Variants in RNF145 observed in about 807,000 individuals in gnomAD.
RNF145 encodes the protein ring finger protein 145.
In RNF145, 12 loss-of-function variants were observed where a neutral mutation model predicts 57.3. That is an observed-to-expected ratio of 0.21 (90% CI 0.13 to 0.34). The LOEUF (loss-of-function observed/expected upper bound fraction) is 0.34. RNF145 is among the 10% of genes least tolerant of loss of function. The probability of loss-of-function intolerance (pLI) is 1.00; values close to 1 mark genes in which losing one functional copy is unlikely to be tolerated. For synonymous variants in RNF145, 262 were observed against 288.3 expected (o/e 0.91, Z 0.92); for missense variants, 429 against 799.0 (o/e 0.54, Z 5.58).
chr5:159,192,051 G>GAA (rs879432662), intron 3 of RNF145, among the ~76,000 whole-genome samples: 30 of 133,180 alleles, frequency 2.3e-4, no homozygotes, highest in Non-Finnish European at 2.8e-4. Context: ...AAAATATTCA[G>GAA]AAAAAAAAAA....
intron 3 of RNF145, among the ~76,000 whole-genome samples, chr5:159,187,619 T>A (rs1467047636): frequency 2.0e-5 from 3 of 152,070 alleles, no homozygotes; most frequent in Non-Finnish European, 4.4e-5. Flanking sequence ...GTGCCACCAC[T>A]CCCGGCCTAT....
intron 9 of RNF145, 45 bp downstream of exon 9, chr5:159,162,887 T>C: frequency 1.3e-6 from 2 of 1,507,584 alleles, no homozygotes; most frequent in South Asian, 1.3e-5. Context: ...GGAGGAAAAA[T>C]AACAAAATTG....
intron 3 of RNF145, among the ~76,000 whole-genome samples, chr5:159,190,553 T>C (rs1006756578): frequency 6.6e-6 from 1 of 151,920 alleles, no homozygotes; most frequent in African/African-American, 2.4e-5. Flanking sequence ...TAGCTAGGCA[T>C]GGTGGCGTAC....
intron 1 of RNF145, among the ~76,000 whole-genome samples, chr5:159,205,399 A>G (rs1023169136): frequency 1.3e-5 from 2 of 152,220 alleles, no homozygotes; most frequent in African/African-American, 4.8e-5. Context: ...TGAGGAATCT[A>G]AATTTCTCAA....
At chr5:159,192,652 G>A (rs1221417830) in intron 3 of RNF145, among the ~76,000 whole-genome samples, 2 of 152,142 alleles carry the variant, frequency 1.3e-5, no homozygotes, top group Non-Finnish European at 2.9e-5. Flanking sequence ...CAGAAACTGT[G>A]GTAAGAGCTT....
intron 8 of RNF145, among the ~76,000 whole-genome samples, chr5:159,167,838 A>T (rs958375603): frequency 6.6e-6 from 1 of 152,204 alleles, no homozygotes; most frequent in Non-Finnish European, 1.5e-5. Flanking sequence ...ATGTTTGGCA[A>T]TGTGTGTTAT....
rs1476750350 is a variant in RNF145 at position 159,182,004 on chromosome 5, T to C, written c.341A>G (p.Tyr114Cys). 1.2e-5 allele frequency: 19 copies of C among 1,610,056 alleles called. No individual in the cohort carries two copies. Among genetic ancestry groups the C allele is most frequent in the Non-Finnish European group, 1.5e-5 (18 of 1,176,798 alleles). The change falls in exon 4 of 11, where the codon TAT (tyrosine) becomes TGT (cysteine). Residue 114 changes from tyrosine to cysteine, a missense_variant. Coordinates refer to ENST00000424310, the MANE Select transcript of RNF145 (RefSeq NM_001199383.2). ...ELEFAYEGPMYLEPLSMNRFT... is the reference protein window; with the variant it reads ...ELEFAYEGPMCLEPLSMNRFT... ...CCGATTCATAGAGAGAGGTTCTAAATACATTGGTCCCTCATAGGCAAACTC... is the reference window on the plus strand; with the variant it reads ...CCGATTCATAGAGAGAGGTTCTAAACACATTGGTCCCTCATAGGCAAACTC...
At chr5:159,173,926 G>C (rs1264004787) in intron 6 of RNF145, 57 bp downstream of exon 6, 1 of 1,190,930 alleles carries the variant, frequency 8.4e-7, no homozygotes, top group African/African-American at 1.6e-5. Context: ...ACTATTCCTA[G>C]ATCAAAGTTT....
intron 8 of RNF145, 112 bp from the exon 9 acceptor site, chr5:159,163,191 G>A: frequency 1.0e-6 from 1 of 983,676 alleles, no homozygotes; most frequent in Admixed American, 2.5e-5. Context: ...AATTCCCACT[G>A]AACACCCTTC....
At chr5:159,180,640 G>C (rs1369731816) in intron 4 of RNF145, among the ~76,000 whole-genome samples, 1 of 151,928 alleles carries the variant, frequency 6.6e-6, no homozygotes, top group Non-Finnish European at 1.5e-5. Flanking sequence ...ATTTCAAAAA[G>C]TAAAAAGAAA....
At chr5:159,165,715 A>G (rs1784372150) in intron 8 of RNF145, among the ~76,000 whole-genome samples, 1 of 142,136 alleles carries the variant, frequency 7.0e-6, no homozygotes, top group Non-Finnish European at 1.6e-5. Context: ...AAAAAAAAAA[A>G]AAAAAAAAAA....
chr5:159,175,327 TCTTG>T (rs1784684296), intron 5 of RNF145, among the ~76,000 whole-genome samples: 1 of 152,118 alleles, frequency 6.6e-6, no homozygotes. Flanking sequence ...TGTTTCCATT[TCTTG>T]CTTATCTGAT....
chr5:159,198,295 C>T (rs998553506), intron 2 of RNF145, among the ~76,000 whole-genome samples: 3 of 151,668 alleles, frequency 2.0e-5, no homozygotes, highest in Non-Finnish European at 2.9e-5. Flanking sequence ...TAATGACCTA[C>T]GGGAACAGAC....
chr5:159,194,843 T>A lies in RNF145; in HGVS notation c.185-19A>T, dbSNP rs564029095. 182 of 1,469,174 alleles carry A rather than the reference T, an allele frequency of 1.2e-4. No homozygotes were observed. The highest frequency in any genetic ancestry group is 1.7e-4 in the Non-Finnish European group (178 of 1,070,022). 91.0% of individuals were successfully genotyped at this position (1,469,174 alleles called of 1,614,324 possible). On this transcript the variant is annotated intron_variant, in intron 2 of 10. Transcript: ENST00000424310. ...ATATAACCTGTACCAGAAAGATAAA[T>A]AAAATACAATTTTAATTTAGTTTCC...
chr5:159,198,239 CTAAATAAATAAATAAATAAA>C (rs10565309), intron 2 of RNF145, among the ~76,000 whole-genome samples: 23 of 147,054 alleles, frequency 1.6e-4, no homozygotes, highest in African/African-American at 5.0e-4. Context: ...GACTCTATCT[CTAAATAAATAAATAAATAAA>C]TAAATAAATA....
At chr5:159,164,637 T>A (rs1784335117) in intron 8 of RNF145, among the ~76,000 whole-genome samples, 1 of 152,020 alleles carries the variant, frequency 6.6e-6, no homozygotes, top group Non-Finnish European at 1.5e-5. Flanking sequence ...AAATTTCAAA[T>A]AAAATATAAA....
rs556901220 is a variant in RNF145 at position 159,174,753 on chromosome 5, G to A, written c.622-595C>T. Among the ~76,000 whole-genome samples, 6 of 151,438 alleles carry A rather than the reference G, an allele frequency of 4.0e-5. No individual in the cohort carries two copies. In the South Asian group the frequency reaches 1.0e-3, roughly 26 times the overall value. On this transcript the variant is annotated intron_variant, in intron 5 of 10. Coordinates refer to ENST00000424310, the MANE Select transcript of RNF145 (RefSeq NM_001199383.2). ...TATGTTTTTCCATTTGGTTTGCCAA[G>A]TGTAAGTAACACTAGGAAAAGGATA...
At position 159,209,525 on chromosome 5, in the gene RNF145, G is replaced by T. The variant is rs956959364; in HGVS notation, c.-334C>A. On this transcript the variant is annotated 5_prime_UTR_variant, in exon 1 of 11. Transcript: ENST00000424310. ...GGCGTCGGCGGCCATGGCCTCCTGCGTTTGCTCCTCCCGCCCCCGGCGCTC... is the reference window on the plus strand; with the variant it reads ...GGCGTCGGCGGCCATGGCCTCCTGCTTTTGCTCCTCCCGCCCCCGGCGCTC... 1.0e-6 allele frequency: 1 copy of T among 981,628 alleles called. No homozygotes were observed. Among genetic ancestry groups the T allele is most frequent in the African/African-American group, 1.8e-5 (1 of 56,932 alleles). The allele number at this position is 981,628 out of a possible 1,614,324, so 60.8% of individuals were successfully genotyped here.
intron 6 of RNF145, among the ~76,000 whole-genome samples, chr5:159,171,001 G>T (rs555468590): frequency 1.8e-4 from 28 of 152,166 alleles, no homozygotes; most frequent in Non-Finnish European, 3.1e-4. Flanking sequence ...GCAGCTCCAT[G>T]CTTCTATATA....
Sources: allele counts gnomAD v4.1 joint callset (sites outside exome capture counted in the v4.1 genomes callset), GRCh38; gene constraint gnomAD v4.1.1; transcripts MANE v1.5; gene names NCBI Gene and HGNC (gene_info 2026-07-23, HGNC 2026-07-21).